The following EIF4B variants were observed in gnomAD, a reference collection of about 807,000 sequenced individuals.
EIF4B encodes eukaryotic translation initiation factor 4B.
Under a neutral mutation model 79.3 loss-of-function variants are expected in EIF4B, and 8 were observed. That is an observed-to-expected ratio of 0.10 (90% CI 0.06 to 0.18). The LOEUF (loss-of-function observed/expected upper bound fraction) is 0.18. Ranked by LOEUF, EIF4B falls within the 10% of genes least tolerant of loss-of-function variation. The pLI is 1.00. For missense variants in EIF4B, 515 were observed against 792.4 expected, an observed-to-expected ratio of 0.65 and a Z score of 4.20; for synonymous variants, 238 against 274.7, an observed-to-expected ratio of 0.87 and a Z score of 1.32.
At chr12:53,027,143 T>A (rs1459899424) in intron 6 of EIF4B, among the ~76,000 whole-genome samples, 2 of 113,394 alleles carry the variant, frequency 1.8e-5, no homozygotes, top group African/African-American at 5.8e-5. Context: ...AAAAATTTTT[T>A]TTTTTTTTTT....
intron 1 of EIF4B, among the ~76,000 whole-genome samples, chr12:53,007,243 T>A (rs991807127): frequency 1.3e-5 from 2 of 152,096 alleles, no homozygotes; most frequent in African/African-American, 4.8e-5. Flanking sequence ...GGAATCCAGT[T>A]AGGTGCGCCC....
chr12:53,027,137 A>ATTATTATTATTATTATTTTTTT (rs1943349413), intron 6 of EIF4B, among the ~76,000 whole-genome samples: 1 of 25,722 alleles, frequency 3.9e-5, no homozygotes, highest in African/African-American at 8.2e-5. Flanking sequence ...AAAAAAAAAA[A>ATTATTATTATTATTATTTTTTT]TTTTTTTTTT....
chr12:53,019,450 CTTTTTTTTTTTTTT>C (rs71095966), intron 3 of EIF4B, among the ~76,000 whole-genome samples: 2 of 65,998 alleles, frequency 3.0e-5, no homozygotes, highest in Non-Finnish European at 6.3e-5. Context: ...TTTTTTTTTT[CTTTTTTTTTTTTTT>C]TTTTTTTTTT....
chr12:53,034,609 C>T lies in EIF4B; in HGVS notation c.1209-3C>T. 1.2e-6 allele frequency: 2 copies of T among 1,613,954 alleles called. No individual in the cohort carries two copies. Among genetic ancestry groups the T allele is most frequent in the Non-Finnish European group, 1.7e-6 (2 of 1,179,870 alleles). On this transcript the variant is annotated splice_polypyrimidine_tract_variant and splice_region_variant and intron_variant, in intron 9 of 14. Coordinates refer to ENST00000262056, the MANE Select transcript of EIF4B (RefSeq NM_001417.7). ...ATGTGTATTTTGTGAATCTCTCGTA[C>T]AGACACCCAAGCTGGCGAAGTGAAG...
intron 2 of EIF4B, among the ~76,000 whole-genome samples, 185 bp downstream of exon 2, chr12:53,016,795 G>T (rs1370829137): frequency 6.6e-6 from 1 of 152,212 alleles, no homozygotes. Context: ...TTGCAGTGAA[G>T]ACTGAAGTGG....
In EIF4B at chr12:53,041,395, C is replaced by T. The variant is rs2121000432; in HGVS notation, c.*1172C>T. The T allele has an allele frequency of 6.6e-6, 1 of 152,240 alleles. No individual in the cohort carries two copies. 9.4% of individuals were successfully genotyped at this position (152,240 alleles called of 1,614,324 possible). A position where few individuals can be genotyped will look rare whatever the true frequency, so the allele number is the denominator to read the frequency against. On this transcript the variant is annotated 3_prime_UTR_variant, in exon 15 of 15. Transcript: ENST00000262056. ...GGACAGGGACAGTTAAATTGGGAGCCTTTCTTACAACCTTGATGGGATTTT... is the reference window on the plus strand; with the variant it reads ...GGACAGGGACAGTTAAATTGGGAGCTTTTCTTACAACCTTGATGGGATTTT...
chr12:53,006,642 T>G (rs1371818887), intron 1 of EIF4B, 146 bp downstream of exon 1: 6 of 1,408,368 alleles, frequency 4.3e-6, no homozygotes, highest in Middle Eastern at 3.6e-4. Context: ...GTGGCCCTGT[T>G]AGGTTACTGC....
intron 8 of EIF4B, among the ~76,000 whole-genome samples, chr12:53,032,729 G>A (rs1264018228): frequency 1.4e-5 from 2 of 148,008 alleles, no homozygotes; most frequent in Non-Finnish European, 3.0e-5. Flanking sequence ...GTGCAGTGGT[G>A]TGTTCTCAGC....
At chr12:53,027,954 A>G (rs774698854) in intron 7 of EIF4B, 35 bp downstream of exon 7, 1 of 1,544,048 alleles carries the variant, frequency 6.5e-7, no homozygotes, top group Non-Finnish European at 8.7e-7. Flanking sequence ...CTCTTTCAGT[A>G]ACTTTGCCTT....
At chr12:53,022,897 A>G (rs1943270237) in intron 6 of EIF4B, among the ~76,000 whole-genome samples, 1 of 152,200 alleles carries the variant, frequency 6.6e-6, no homozygotes, top group Non-Finnish European at 1.5e-5. Flanking sequence ...CAAACTGGGC[A>G]TGGTGGCTAT....
chr12:53,038,465 G>T, intron 12 of EIF4B, 54 bp downstream of exon 12: 1 of 1,512,298 alleles, frequency 6.6e-7, no homozygotes, highest in Non-Finnish European at 8.9e-7. Flanking sequence ...AAATAAAAAG[G>T]CCTCCAAAAT....
chr12:53,030,516 G>A (rs1315317636), intron 8 of EIF4B, among the ~76,000 whole-genome samples: 1 of 136,616 alleles, frequency 7.3e-6, no homozygotes, highest in Non-Finnish European at 1.5e-5. Flanking sequence ...CTGCCTCCCA[G>A]GTTCAAGTGA....
At chr12:53,034,090 A>G in intron 9 of EIF4B, 56 bp downstream of exon 9, 2 of 1,506,294 alleles carry the variant, frequency 1.3e-6, no homozygotes, top group South Asian at 2.5e-5. Flanking sequence ...TAATGGGGGC[A>G]TTACATCCCC....
intron 3 of EIF4B, among the ~76,000 whole-genome samples, chr12:53,019,437 A>ATATATTTTTTTTTTTTTT (rs1943205076): frequency 2.0e-5 from 1 of 51,008 alleles, no homozygotes. Flanking sequence ...ATATATATAT[A>ATATATTTTTTTTTTTTTT]TTTTTTTTTT....
intron 1 of EIF4B, chr12:53,008,682 A>G (rs1299377920): frequency 6.6e-6 from 1 of 152,252 alleles, no homozygotes; most frequent in Non-Finnish European, 1.5e-5. Context: ...GGATAGTTTG[A>G]ATTCCTAGAA....
At chr12:53,026,172 G>T (rs1943330970) in intron 6 of EIF4B, among the ~76,000 whole-genome samples, 1 of 152,064 alleles carries the variant, frequency 6.6e-6, no homozygotes, top group African/African-American at 2.4e-5. Context: ...AAACGTGTAG[G>T]TTGTTTTAGT....
chr12:53,016,774 G>T (rs1338505485), intron 2 of EIF4B, among the ~76,000 whole-genome samples, 164 bp downstream of exon 2: 1 of 152,184 alleles, frequency 6.6e-6, no homozygotes, highest in East Asian at 1.9e-4. Flanking sequence ...TGAGGTTTGG[G>T]CTGTCAGACT....
chr12:53,023,136 AT>A (rs1943275990), intron 6 of EIF4B, among the ~76,000 whole-genome samples: 1 of 152,202 alleles, frequency 6.6e-6, no homozygotes, highest in Admixed American at 6.5e-5. Context: ...AAAAAAAAAA[AT>A]CCAACAGATT....
chr12:53,035,002 G>C (rs1943515240), intron 10 of EIF4B, among the ~76,000 whole-genome samples: 1 of 83,792 alleles, frequency 1.2e-5, no homozygotes, highest in African/African-American at 5.3e-5. Flanking sequence ...TTTATGTCTT[G>C]ACATCTTTGA....
Sources: allele counts gnomAD v4.1 joint callset (sites outside exome capture counted in the v4.1 genomes callset), GRCh38; gene constraint gnomAD v4.1.1; transcripts MANE v1.5; gene names NCBI Gene and HGNC (gene_info 2026-07-23, HGNC 2026-07-21).